Variants in TMEM74 observed in about 807,000 individuals in gnomAD.
The protein encoded by TMEM74 is transmembrane protein 74.
In TMEM74, 13 loss-of-function variants were observed where a neutral mutation model predicts 18.1. The ratio of observed to expected loss-of-function variants is 0.72; its 90% CI spans 0.47 to 1.14. The LOEUF is 1.14. Among genes scored for constraint, TMEM74 ranks in the 50% most tolerant of loss-of-function variants. The pLI, the probability that TMEM74 is intolerant of heterozygous loss-of-function variation, is 0.00. For missense variants in TMEM74, 372 were observed against 375.9 expected (o/e 0.99, Z 0.09); for synonymous variants, 159 against 146.6 (o/e 1.08, Z -0.61).
Position 108,784,051 on chromosome 8 carries a change from T to G in TMEM74, c.*130A>C. The G allele has an allele frequency of 1.3e-6, 1 of 781,088 alleles. No homozygotes were observed. Among genetic ancestry groups the G allele is most frequent in the Non-Finnish European group, 2.0e-6 (1 of 498,704 alleles). 48.4% of individuals were successfully genotyped at this position (781,088 alleles called of 1,614,324 possible). Reference sequence around the variant, plus strand: ...GAAGACACATAGAGAACAAAAACACTTACTGGCTGTTGGTTTGTGAAATAA... The same window carrying G: ...GAAGACACATAGAGAACAAAAACACGTACTGGCTGTTGGTTTGTGAAATAA... On this transcript the variant is annotated 3_prime_UTR_variant, in exon 2 of 2. Transcript: ENST00000297459.
chr8:108,638,043 A>G (rs1242607016), intron 2 of TMEM74, among the ~76,000 whole-genome samples: 4 of 152,132 alleles, frequency 2.6e-5, no homozygotes, highest in African/African-American at 9.6e-5. Flanking sequence ...CAGCTAATGC[A>G]GCCAAATGCT....
At chr8:108,708,098 C>T (rs1430134641) in intron 1 of TMEM74, among the ~76,000 whole-genome samples, 3 of 152,170 alleles carry the variant, frequency 2.0e-5, no homozygotes, top group African/African-American at 7.2e-5. Flanking sequence ...CAATGTTTAG[C>T]TCCCACTTAC....
rs575486061 is a variant in TMEM74 at position 108,712,388 on chromosome 8, A to G, written n.120-56951T>C. Among the ~76,000 whole-genome samples the G allele has an allele frequency of 1.2e-3, 177 of 152,292 alleles. 2 individuals carry two copies. The South Asian group carries it at 0.032, about 28-fold the overall frequency. ...ATATCTCATTCCTTATCAAAATGTC[A>G]GTTGATTCATGTATGAATTTATGTC... On this transcript the variant is annotated intron_variant and non_coding_transcript_variant, in intron 1 of 3. Coordinates refer to the TMEM74 transcript ENST00000518838.
At chr8:108,607,580 T>C (rs191414583) in exon 4 of TMEM74, 1 of 152,342 alleles carries the variant, frequency 6.6e-6, no homozygotes, top group African/African-American at 2.4e-5. Flanking sequence ...ACTAATTATA[T>C]TGTAGAAGCT....
rs1480943038 is a variant in TMEM74, at chr8:108,779,294, C to T, written c.*4887G>A. On this transcript the variant is annotated 3_prime_UTR_variant, in exon 2 of 2. Transcript: ENST00000297459. Reference sequence around the variant, plus strand: ...AACCACAGGGTACAAACTCTCAATACACAATATGTAATAATTAATCTTTCT... The same window carrying T: ...AACCACAGGGTACAAACTCTCAATATACAATATGTAATAATTAATCTTTCT... 6.6e-6 allele frequency among the ~76,000 whole-genome samples: 1 copy of T among 152,070 alleles called. No homozygotes were observed. The highest frequency in any genetic ancestry group is 1.5e-5 in the Non-Finnish European group (1 of 68,004).
intron 1 of TMEM74, among the ~76,000 whole-genome samples, chr8:108,673,331 G>A (rs1372660533): frequency 1.3e-5 from 2 of 152,164 alleles, no homozygotes; most frequent in Non-Finnish European, 2.9e-5. Flanking sequence ...AGTACCTACT[G>A]GAAATACTAG....
intron 1 of TMEM74, among the ~76,000 whole-genome samples, chr8:108,683,282 A>T (rs976044725): frequency 4.0e-5 from 6 of 151,744 alleles, no homozygotes; most frequent in African/African-American, 1.4e-4. Flanking sequence ...AAATTAATTC[A>T]ATTGAGCTGC....
chr8:108,736,650 CA>C (rs147549390), intron 1 of TMEM74, among the ~76,000 whole-genome samples: 2,928 of 149,806 alleles, frequency 0.02, 93 homozygotes, highest in African/African-American at 0.069. Context: ...GACGCTGTCT[CA>C]AAAAAAAAGA....
chr8:108,690,804 G>A (rs1342076369), intron 1 of TMEM74, among the ~76,000 whole-genome samples: 2 of 152,098 alleles, frequency 1.3e-5, no homozygotes, highest in Non-Finnish European at 2.9e-5. Context: ...CTGGGCGACA[G>A]AGCAAGACTT....
intron 2 of TMEM74, among the ~76,000 whole-genome samples, chr8:108,620,416 G>A (rs1408433014): frequency 6.6e-6 from 1 of 152,122 alleles, no homozygotes; most frequent in Non-Finnish European, 1.5e-5. Flanking sequence ...GGGTTGTAAT[G>A]GGATATGGGT....
intron 1 of TMEM74, among the ~76,000 whole-genome samples, chr8:108,741,404 A>G: frequency 6.6e-6 from 1 of 152,214 alleles, no homozygotes; most frequent in East Asian, 1.9e-4. Context: ...TTTTAAATTA[A>G]TAAACTTTAT....
chr8:108,687,236 T>C (rs1813179170), intron 1 of TMEM74, among the ~76,000 whole-genome samples: 1 of 151,954 alleles, frequency 6.6e-6, no homozygotes, highest in Non-Finnish European at 1.5e-5. Flanking sequence ...AGGGAACCTA[T>C]AAAAGCCAAC....
At chr8:108,681,540 A>G (rs1230118059) in intron 1 of TMEM74, among the ~76,000 whole-genome samples, 1 of 152,186 alleles carries the variant, frequency 6.6e-6, no homozygotes, top group Non-Finnish European at 1.5e-5. Context: ...GTTCTCTTAA[A>G]TAGAAGAAGT....
intron 1 of TMEM74, among the ~76,000 whole-genome samples, chr8:108,714,498 C>G (rs1813503647): frequency 6.6e-6 from 1 of 152,130 alleles, no homozygotes; most frequent in African/African-American, 2.4e-5. Context: ...AAGGGAGGAA[C>G]AGGTGACTGA....
rs990435816 is a variant in TMEM74 at position 108,782,395 on chromosome 8, A to G, written c.*1786T>C. ...GCTCTATAACATAAGGCAATTAACT[A>G]CATCTAGCTTCCTCTGATGGCCATA... is the stretch of plus-strand genomic sequence containing the variant. On this transcript the variant is annotated 3_prime_UTR_variant, in exon 2 of 2. Coordinates refer to ENST00000297459, the MANE Select transcript of TMEM74 (RefSeq NM_153015.3). Among the ~76,000 whole-genome samples the G allele has an allele frequency of 2.0e-5, 3 of 152,224 alleles. No individual in the cohort carries two copies. The highest frequency in any genetic ancestry group is 7.2e-5 in the African/African-American group (3 of 41,456).
chr8:108,763,019 A>G (rs1222200765), intron 1 of TMEM74, among the ~76,000 whole-genome samples: 1 of 152,164 alleles, frequency 6.6e-6, no homozygotes, highest in Non-Finnish European at 1.5e-5. Flanking sequence ...ATGAAAGCAC[A>G]CATAAGAATA....
chr8:108,699,168 CCTTCCTTCCTTCCTT>C (rs1416191761), intron 1 of TMEM74, among the ~76,000 whole-genome samples: 4 of 108,186 alleles, frequency 3.7e-5, no homozygotes, highest in East Asian at 3.5e-4. Context: ...TTCCTTCCTT[CCTTCCTTCCTTCCTT>C]CCTCCCTCCC....
intron 1 of TMEM74, among the ~76,000 whole-genome samples, chr8:108,700,672 C>T (rs1051627700): frequency 2.6e-5 from 4 of 152,110 alleles, no homozygotes; most frequent in Admixed American, 1.3e-4. Context: ...ATTTAATCAT[C>T]TTAATCAAAA....
chr8:108,617,466 AC>A (rs2130539476), intron 2 of TMEM74, among the ~76,000 whole-genome samples: 1 of 152,168 alleles, frequency 6.6e-6, no homozygotes, highest in African/African-American at 2.4e-5. Flanking sequence ...AGGAAGCCCC[AC>A]TACCCCACAC....
Sources: allele counts gnomAD v4.1 joint callset (sites outside exome capture counted in the v4.1 genomes callset), GRCh38; gene constraint gnomAD v4.1.1; transcripts MANE v1.5; gene names NCBI Gene and HGNC (gene_info 2026-07-23, HGNC 2026-07-21).